The following KLF12 variants were observed in gnomAD, a reference collection of about 807,000 sequenced individuals.
KLF12 encodes the protein Krueppel-like factor 12.
KLF12 carries 9 observed loss-of-function variants against 37.8 expected under a neutral mutation model. The observed-to-expected ratio is 0.24, with a 90% confidence interval of 0.14 to 0.42. The LOEUF (loss-of-function observed/expected upper bound fraction) is 0.42. KLF12 is among the 10% of genes least tolerant of loss of function. KLF12 has a pLI of 1.00. For synonymous variants in KLF12, 208 were observed against 202.1 expected, an observed-to-expected ratio of 1.03 and a Z score of -0.25; for missense variants, 411 against 516.0, an observed-to-expected ratio of 0.80 and a Z score of 1.97.
chr13:74,253,979 C>T, the KLF12 span, among the ~76,000 whole-genome samples: 1 of 152,116 alleles, frequency 6.6e-6, no homozygotes, highest in Non-Finnish European at 1.5e-5. Context: ...TTTAAAAAAT[C>T]ATGTTTATCA....
the KLF12 span, among the ~76,000 whole-genome samples, chr13:74,194,217 G>T: frequency 6.6e-6 from 1 of 152,194 alleles, no homozygotes; most frequent in East Asian, 1.9e-4. Context: ...TGGTGAAAAG[G>T]GTGCAGCAGA....
intron 3 of KLF12, among the ~76,000 whole-genome samples, chr13:73,927,447 C>G (rs889691903): frequency 3.9e-5 from 6 of 152,232 alleles, no homozygotes; most frequent in African/African-American, 1.4e-4. Flanking sequence ...CACACTATCT[C>G]CATCCAGCCC....
intron 2 of KLF12, among the ~76,000 whole-genome samples, chr13:73,976,490 G>A (rs79576108): frequency 0.08 from 12,160 of 152,128 alleles, 672 homozygotes; most frequent in Non-Finnish European, 0.12. Flanking sequence ...TATGTCAGGT[G>A]TTAACACTCC....
At chr13:74,048,378 A>T (rs1034121776) in intron 1 of KLF12, among the ~76,000 whole-genome samples, 4 of 152,028 alleles carry the variant, frequency 2.6e-5, no homozygotes, top group African/African-American at 9.7e-5. Flanking sequence ...CAATAAGACA[A>T]CTATCACAAA....
chr13:74,000,423 CAAT>C (rs1332062151), intron 1 of KLF12, among the ~76,000 whole-genome samples: 2 of 152,086 alleles, frequency 1.3e-5, no homozygotes, highest in African/African-American at 4.8e-5. Context: ...TTTCAGAGGT[CAAT>C]AATAACCCAT....
chr13:73,786,065 C>A (rs1228112408), intron 5 of KLF12, among the ~76,000 whole-genome samples: 1 of 151,686 alleles, frequency 6.6e-6, no homozygotes, highest in Non-Finnish European at 1.5e-5. Context: ...AGGGAGTTGC[C>A]CTGTGCAAAG....
intron 2 of KLF12, among the ~76,000 whole-genome samples, chr13:73,982,088 T>C (rs7339349): frequency 0.85 from 129,399 of 152,120 alleles, 55,311 homozygotes; most frequent in Middle Eastern, 0.91. Context: ...TGTGCTTTGT[T>C]GACTAGAGTG....
intron 6 of KLF12, among the ~76,000 whole-genome samples, chr13:73,737,904 C>T (rs75505512): frequency 0.017 from 2,581 of 151,734 alleles, 62 homozygotes; most frequent in African/African-American, 0.055. Flanking sequence ...GGCACTAATA[C>T]GTGACTGTAA....
the KLF12 span, among the ~76,000 whole-genome samples, chr13:74,241,519 A>T: frequency 2.4e-4 from 37 of 152,340 alleles, no homozygotes; most frequent in African/African-American, 8.2e-4. Flanking sequence ...AAACCTGGGC[A>T]ATGGCGGGCG....
intron 3 of KLF12, among the ~76,000 whole-genome samples, chr13:73,883,957 G>C (rs1887099975): frequency 6.6e-6 from 1 of 152,114 alleles, no homozygotes; most frequent in Non-Finnish European, 1.5e-5. Context: ...AAGTTATCTG[G>C]AGAAAGCTGA....
chr13:74,269,191 G>A, the KLF12 span, among the ~76,000 whole-genome samples: 1 of 152,126 alleles, frequency 6.6e-6, no homozygotes, highest in Non-Finnish European at 1.5e-5. Context: ...TGGCAAAGGG[G>A]ACATGAAATG....
intron 2 of KLF12, among the ~76,000 whole-genome samples, chr13:73,958,540 G>C (rs1035881015): frequency 6.6e-6 from 1 of 152,070 alleles, no homozygotes; most frequent in Non-Finnish European, 1.5e-5. Context: ...ACTGTGCCCA[G>C]CCAATTTTTT....
intron 6 of KLF12, among the ~76,000 whole-genome samples, chr13:73,742,608 C>T (rs140329682): frequency 0.012 from 1,776 of 152,236 alleles, 15 homozygotes; most frequent in Non-Finnish European, 0.017. Flanking sequence ...AATCTCATGT[C>T]CTTCTCACAT....
intron 1 of KLF12, among the ~76,000 whole-genome samples, chr13:74,083,491 GAGACACACACACAC>G (rs1191105649): frequency 2.6e-5 from 3 of 117,554 alleles, no homozygotes; most frequent in African/African-American, 1.1e-4. Flanking sequence ...TGGGCGATAG[GAGACACACACACAC>G]ACACACACAC....
At chr13:73,795,205 TGCTG>T (rs1881894761) in intron 5 of KLF12, among the ~76,000 whole-genome samples, 1 of 152,204 alleles carries the variant, frequency 6.6e-6, no homozygotes, top group Non-Finnish European at 1.5e-5. Flanking sequence ...CCACACTGAC[TGCTG>T]ATTTTTGGCA....
At chr13:74,096,977 G>C (rs560426726) in intron 1 of KLF12, among the ~76,000 whole-genome samples, 20 of 152,222 alleles carry the variant, frequency 1.3e-4, no homozygotes, top group African/African-American at 4.6e-4. Context: ...ACACTTCCAA[G>C]TTCAAATTCC....
chr13:73,952,384 G>C (rs1388447307), intron 2 of KLF12, among the ~76,000 whole-genome samples: 6 of 152,122 alleles, frequency 3.9e-5, no homozygotes, highest in Non-Finnish European at 2.9e-5. Flanking sequence ...AGAGCGAAGG[G>C]GGAGTTGCTA....
At chr13:74,126,007 T>C (rs1038209401) in intron 1 of KLF12, among the ~76,000 whole-genome samples, 3 of 152,204 alleles carry the variant, frequency 2.0e-5, no homozygotes, top group African/African-American at 7.2e-5. Flanking sequence ...TTGCTGAAAA[T>C]CAATTTCCAC....
chr13:73,877,822 T>C (rs1332378157), intron 3 of KLF12, among the ~76,000 whole-genome samples: 2 of 152,136 alleles, frequency 1.3e-5, no homozygotes, highest in African/African-American at 4.8e-5. Flanking sequence ...TAGAACAGGG[T>C]GGTTCCCCAG....
Sources: gnomAD v4.1 joint callset for allele counts (sites outside exome capture counted in the v4.1 genomes callset) on GRCh38, gnomAD v4.1.1 for gene constraint, MANE v1.5 for transcripts, NCBI Gene and HGNC (gene_info 2026-07-23, HGNC 2026-07-21) for gene names.